Variants in ZBTB20 observed in about 807,000 individuals in gnomAD.
The protein encoded by ZBTB20 is zinc finger and BTB domain containing 20.
In ZBTB20, 9 loss-of-function variants were observed where a neutral mutation model predicts 56.9. The observed-to-expected ratio is 0.16, with a 90% confidence interval of 0.10 to 0.28. The LOEUF (loss-of-function observed/expected upper bound fraction) is 0.28, where lower values mean the gene tolerates loss of function less well. ZBTB20 is among the 10% of genes least tolerant of loss of function. The pLI is 1.00. For synonymous variants in ZBTB20, 417 were observed against 420.7 expected, an observed-to-expected ratio of 0.99 and a Z score of 0.11; for missense variants, 655 against 1,003.0, an observed-to-expected ratio of 0.65 and a Z score of 4.69.
intron 6 of ZBTB20, among the ~76,000 whole-genome samples, chr3:114,605,384 G>A (rs1283576647): frequency 6.6e-6 from 1 of 152,054 alleles, no homozygotes. Flanking sequence ...GATAATCAGT[G>A]AATTACCCAT....
rs892605321 is a variant in ZBTB20 at position 114,324,443 on chromosome 3, G to A, written c.*14562C>T. ...CATAACATAAATAGGTACACTAGGA[G>A]CACTCACTTTTCTACATTGATCACT... On this transcript the variant is annotated 3_prime_UTR_variant, in exon 12 of 12. Coordinates refer to ENST00000675478, the MANE Select transcript of ZBTB20 (RefSeq NM_001348800.3). 4 of 152,070 alleles carry A rather than the reference G, an allele frequency of 2.6e-5. No homozygotes were observed. The South Asian group carries it at 8.3e-4, about 32-fold the overall frequency. 9.4% of individuals were successfully genotyped at this position (152,070 alleles called of 1,614,324 possible).
In ZBTB20 at chr3:114,920,575, T is replaced by C. The variant is rs531311059; in HGVS notation, c.-455-20233A>G. ...AAAAGAAGAAATCAAAACCAAAATC[T>C]TGCATATCTTTAAACAAATGAAAAT... On this transcript the variant is annotated intron_variant, in intron 3 of 11. Transcript: ENST00000675478. Among the ~76,000 whole-genome samples the C allele has an allele frequency of 5.9e-5, 9 of 152,082 alleles. No homozygotes were observed. In the East Asian group the frequency reaches 7.7e-4, roughly 13 times the overall value.
chr3:115,057,104 T>C (rs1456803591), intron 2 of ZBTB20, among the ~76,000 whole-genome samples: 1 of 152,144 alleles, frequency 6.6e-6, no homozygotes, highest in African/African-American at 2.4e-5. Context: ...CTTTTCATTA[T>C]CCTTCTGTCT....
intron 1 of ZBTB20, among the ~76,000 whole-genome samples, chr3:115,088,397 G>A (rs1005923987): frequency 2.0e-5 from 3 of 151,630 alleles, no homozygotes; most frequent in Admixed American, 6.6e-5. Context: ...CCATAACCCT[G>A]GTTAGAGATT....
chr3:114,904,893 T>A (rs2075265802), intron 3 of ZBTB20, among the ~76,000 whole-genome samples: 1 of 152,022 alleles, frequency 6.6e-6, no homozygotes, highest in African/African-American at 2.4e-5. Context: ...ACAGTTGATC[T>A]GTCTAGACCT....
intron 5 of ZBTB20, among the ~76,000 whole-genome samples, chr3:114,702,665 T>TTGTG (rs137914062): frequency 1.3e-3 from 198 of 146,698 alleles, no homozygotes; most frequent in East Asian, 5.1e-3. Flanking sequence ...TTAGTCTAAA[T>TTGTG]TGTGTGTGTG....
At chr3:114,638,132 T>C (rs1445141471) in intron 6 of ZBTB20, among the ~76,000 whole-genome samples, 1 of 152,072 alleles carries the variant, frequency 6.6e-6, no homozygotes, top group Non-Finnish European at 1.5e-5. Context: ...AAGGGTGGCC[T>C]AGGGATTCAG....
intron 11 of ZBTB20, among the ~76,000 whole-genome samples, chr3:114,345,905 G>C (rs1007862500): frequency 1.5e-4 from 23 of 152,202 alleles, no homozygotes; most frequent in African/African-American, 3.6e-4. Context: ...TGATGAAGGG[G>C]GTAGAGGGGA....
chr3:114,756,246 T>C (rs1022867944), intron 5 of ZBTB20, among the ~76,000 whole-genome samples: 2 of 152,164 alleles, frequency 1.3e-5, no homozygotes, highest in South Asian at 2.1e-4. Context: ...ACTAACCACC[T>C]AAAATAATTG....
Position 114,536,620 on chromosome 3 carries a change from C to T in ZBTB20, c.-294-36229G>A, listed in dbSNP as rs144709848. Among the ~76,000 whole-genome samples the T allele has an allele frequency of 5.5e-3, 831 of 152,166 alleles. 5 individuals are homozygous for T. Among genetic ancestry groups the T allele is most frequent in the Non-Finnish European group, 9.2e-3 (626 of 67,988 alleles). On this transcript the variant is annotated intron_variant, in intron 6 of 11. Transcript: ENST00000675478. ...ATCAAGCTACCATTGATTTTCTTCA[C>T]AGAATTAGAAAAAAACAATTTTAAA...
At chr3:114,845,565 C>T (rs1236984764) in intron 4 of ZBTB20, among the ~76,000 whole-genome samples, 2 of 151,844 alleles carry the variant, frequency 1.3e-5, no homozygotes, top group Non-Finnish European at 2.9e-5. Context: ...ATCAAGGCTG[C>T]TGAATTCTCA....
chr3:114,412,784 C>T (rs930470107), intron 7 of ZBTB20, among the ~76,000 whole-genome samples: 1 of 152,114 alleles, frequency 6.6e-6, no homozygotes, highest in Non-Finnish European at 1.5e-5. Flanking sequence ...CCTTCTACTT[C>T]TTCTTTAGGA....
At chr3:115,121,213 T>C (rs912893807) in intron 1 of ZBTB20, among the ~76,000 whole-genome samples, 1 of 152,050 alleles carries the variant, frequency 6.6e-6, no homozygotes, top group Admixed American at 6.6e-5. Flanking sequence ...TTGGGCTGAT[T>C]TACTTTATTT....
chr3:114,568,098 C>T (rs543898979), intron 6 of ZBTB20, among the ~76,000 whole-genome samples: 6 of 152,294 alleles, frequency 3.9e-5, no homozygotes, highest in South Asian at 2.1e-4. Flanking sequence ...CCCAGAGAGA[C>T]GGAGAGATAA....
intron 4 of ZBTB20, among the ~76,000 whole-genome samples, chr3:114,815,998 C>CA (rs1215235919): frequency 4.6e-5 from 7 of 152,204 alleles, no homozygotes; most frequent in African/African-American, 1.7e-4. Flanking sequence ...GGTAAAGTGC[C>CA]ATAAAAGCCC....
rs912128419 is a variant in ZBTB20, at chr3:115,045,360, A to G, written c.-507+25859T>C. On this transcript the variant is annotated intron_variant, in intron 2 of 11. Transcript: ENST00000675478. Reference sequence around the variant, plus strand: ...AAACAGAGGTAATTTTTTTGTCTATATAATTTTCCCGTAGTGGCCGAATTT... The same window carrying G: ...AAACAGAGGTAATTTTTTTGTCTATGTAATTTTCCCGTAGTGGCCGAATTT... Among the ~76,000 whole-genome samples, 2 of 152,254 alleles carry G rather than the reference A, an allele frequency of 1.3e-5. 1 individual carries two copies. Among genetic ancestry groups the G allele is most frequent in the South Asian group, 4.1e-4 (2 of 4,830 alleles).
chr3:114,770,291 T>A (rs1350426894), intron 5 of ZBTB20, among the ~76,000 whole-genome samples: 1 of 151,648 alleles, frequency 6.6e-6, no homozygotes, highest in African/African-American at 2.4e-5. Context: ...ATACAAAAAA[T>A]TAGCTGGGTT....
intron 2 of ZBTB20, among the ~76,000 whole-genome samples, chr3:115,041,659 C>A (rs373977652): frequency 6.6e-5 from 10 of 152,024 alleles, no homozygotes; most frequent in African/African-American, 2.4e-4. Flanking sequence ...TGGAGAAGCT[C>A]TATATATTTT....
intron 5 of ZBTB20, among the ~76,000 whole-genome samples, chr3:114,739,938 T>C (rs961952661): frequency 6.6e-6 from 1 of 152,236 alleles, no homozygotes; most frequent in Non-Finnish European, 1.5e-5. Context: ...ACATGGTGTT[T>C]ATCTTTCAAA....
Sources: allele counts gnomAD v4.1 joint callset (sites outside exome capture counted in the v4.1 genomes callset), GRCh38; gene constraint gnomAD v4.1.1; transcripts MANE v1.5; gene names NCBI Gene and HGNC (gene_info 2026-07-23, HGNC 2026-07-21).